Variants in RPS6KC1 observed in about 807,000 individuals in gnomAD.
RPS6KC1 encodes the protein ribosomal protein S6 kinase C1.
Under a neutral mutation model 103.8 loss-of-function variants are expected in RPS6KC1, and 54 were observed. That is an observed-to-expected ratio of 0.52 (90% CI 0.42 to 0.65). RPS6KC1 has a LOEUF of 0.65. Among genes scored for constraint, RPS6KC1 ranks in the 30% least tolerant of loss-of-function variants. The pLI, the probability that RPS6KC1 is intolerant of heterozygous loss-of-function variation, is 0.00. For missense variants in RPS6KC1, 1,151 were observed against 1,253.8 expected, an observed-to-expected ratio of 0.92 and a Z score of 1.24; for synonymous variants, 439 against 438.7, an observed-to-expected ratio of 1.00 and a Z score of -0.01.
At chr1:213,067,325 C>T (rs2078420417) in intron 1 of RPS6KC1, among the ~76,000 whole-genome samples, 1 of 152,156 alleles carries the variant, frequency 6.6e-6, no homozygotes, top group Non-Finnish European at 1.5e-5. Flanking sequence ...TTTTGAGAGG[C>T]CTGAGGGCCC....
the RPS6KC1 span, among the ~76,000 whole-genome samples, chr1:213,410,532 T>C: frequency 6.6e-6 from 1 of 151,970 alleles, no homozygotes; most frequent in African/African-American, 2.4e-5. Flanking sequence ...TTGAAGAGGA[T>C]GGAGAGGGAG....
intron 6 of RPS6KC1, among the ~76,000 whole-genome samples, chr1:213,157,647 A>G (rs1402811005): frequency 6.6e-6 from 1 of 152,216 alleles, no homozygotes; most frequent in East Asian, 1.9e-4. Context: ...GCTTATAAGA[A>G]GCATATATTC....
At chr1:213,165,415 G>T (rs6704258) in intron 6 of RPS6KC1, among the ~76,000 whole-genome samples, 29,453 of 150,876 alleles carry the variant, frequency 0.2, 6,491 homozygotes, top group African/African-American at 0.55. Flanking sequence ...TGTTTTTTTT[G>T]TTGTTGTTGT....
At chr1:213,142,242 C>T (rs1181304191) in intron 6 of RPS6KC1, among the ~76,000 whole-genome samples, 2 of 151,934 alleles carry the variant, frequency 1.3e-5, no homozygotes, top group African/African-American at 4.8e-5. Flanking sequence ...TTCTTCATTC[C>T]TTTACTTTGA....
chr1:213,154,070 G>A (rs1324611420), intron 6 of RPS6KC1, among the ~76,000 whole-genome samples: 2 of 152,184 alleles, frequency 1.3e-5, no homozygotes, highest in South Asian at 2.1e-4. Context: ...TTGATTACCA[G>A]TCAGAGGCTC....
At chr1:213,812,076 A>T in the RPS6KC1 span, among the ~76,000 whole-genome samples, 3 of 152,222 alleles carry the variant, frequency 2.0e-5, no homozygotes, top group Non-Finnish European at 2.9e-5. Context: ...GAAACAAAAC[A>T]AACAAAAAAC....
chr1:213,388,244 C>A, the RPS6KC1 span, among the ~76,000 whole-genome samples: 2 of 152,238 alleles, frequency 1.3e-5, no homozygotes, highest in African/African-American at 4.8e-5. Context: ...GATGCAGCCA[C>A]CACTGCCCTT....
At chr1:213,852,063 T>C in the RPS6KC1 span, among the ~76,000 whole-genome samples, 3 of 152,150 alleles carry the variant, frequency 2.0e-5, no homozygotes, top group African/African-American at 7.2e-5. Flanking sequence ...CTGTTCTCTC[T>C]CCTTAAAACA....
chr1:213,171,233 T>C (rs2091451585), intron 7 of RPS6KC1, among the ~76,000 whole-genome samples: 1 of 152,108 alleles, frequency 6.6e-6, no homozygotes, highest in Admixed American at 6.5e-5. Flanking sequence ...ACTCTTTTTC[T>C]TCATTGCTTC....
chr1:213,525,621 C>T, the RPS6KC1 span, among the ~76,000 whole-genome samples: 1 of 151,984 alleles, frequency 6.6e-6, no homozygotes, highest in Non-Finnish European at 1.5e-5. Context: ...GAAGAGAAAT[C>T]CACCAAGAAA....
At chr1:213,513,653 A>G in the RPS6KC1 span, among the ~76,000 whole-genome samples, 1 of 152,194 alleles carries the variant, frequency 6.6e-6, no homozygotes, top group Non-Finnish European at 1.5e-5. Flanking sequence ...ACAAACACAA[A>G]CCCCAAACTT....
At chr1:213,144,564 C>A (rs2087498070) in intron 6 of RPS6KC1, among the ~76,000 whole-genome samples, 1 of 152,038 alleles carries the variant, frequency 6.6e-6, no homozygotes, top group African/African-American at 2.4e-5. Context: ...CCTTTCTTGA[C>A]CTTTCTAAGT....
chr1:213,600,743 A>G, the RPS6KC1 span, among the ~76,000 whole-genome samples: 42 of 152,232 alleles, frequency 2.8e-4, no homozygotes, highest in African/African-American at 1.0e-3. Flanking sequence ...AATTTCTCAT[A>G]CTTTAAAAAT....
chr1:213,795,191 C>T, the RPS6KC1 span, among the ~76,000 whole-genome samples: 16 of 152,176 alleles, frequency 1.1e-4, no homozygotes, highest in Non-Finnish European at 4.4e-5. Context: ...CCATCCTGTA[C>T]TCAGTTGATC....
chr1:213,704,694 C>A, the RPS6KC1 span, among the ~76,000 whole-genome samples: 1 of 152,112 alleles, frequency 6.6e-6, no homozygotes, highest in African/African-American at 2.4e-5. Context: ...TGTAAATGTT[C>A]ATTTGTGTCT....
chr1:213,808,437 T>A, the RPS6KC1 span, among the ~76,000 whole-genome samples: 1 of 152,242 alleles, frequency 6.6e-6, no homozygotes, highest in Non-Finnish European at 1.5e-5. Flanking sequence ...CTCCACCCAG[T>A]TGGAGCTTCC....
At chr1:213,496,874 C>T in the RPS6KC1 span, among the ~76,000 whole-genome samples, 1 of 152,328 alleles carries the variant, frequency 6.6e-6, no homozygotes, top group African/African-American at 2.4e-5. Context: ...GTATCAGTAA[C>T]TTGGAAATTT....
At chr1:213,059,922 C>T (rs61834084) in intron 1 of RPS6KC1, among the ~76,000 whole-genome samples, 5,191 of 152,266 alleles carry the variant, frequency 0.034, 122 homozygotes, top group Middle Eastern at 0.054. Flanking sequence ...CTGCCTGCCT[C>T]GGCCTCCCAA....
chr1:213,654,624 G>A, the RPS6KC1 span, among the ~76,000 whole-genome samples: 1 of 152,136 alleles, frequency 6.6e-6, no homozygotes, highest in Admixed American at 6.6e-5. Context: ...CCAGATGTTT[G>A]TAAAAATGAT....
Sources: allele counts gnomAD v4.1 joint callset (sites outside exome capture counted in the v4.1 genomes callset), GRCh38; gene constraint gnomAD v4.1.1; transcripts MANE v1.5; gene names NCBI Gene and HGNC (gene_info 2026-07-23, HGNC 2026-07-21).